Variants in C4orf54 observed in about 807,000 individuals in gnomAD.
The protein encoded by C4orf54 is uncharacterized protein C4orf54.
A neutral mutation model predicts 80.1 loss-of-function variants in C4orf54; 67 were observed. That is an observed-to-expected ratio of 0.84 (90% CI 0.69 to 1.03). C4orf54 has a LOEUF of 1.03. Ranked by LOEUF, C4orf54 falls within the 50% of genes least tolerant of loss-of-function variation. The pLI is 0.00. For synonymous variants in C4orf54, 1,000 were observed against 917.0 expected, an observed-to-expected ratio of 1.09 and a Z score of -1.64; for missense variants, 2,434 against 2,253.5, an observed-to-expected ratio of 1.08 and a Z score of -1.62.
Position 99,650,409 on chromosome 4 carries a change from T to C in C4orf54, c.4240A>G (p.Lys1414Glu), listed in dbSNP as rs112275946. ...TCCGGAGAAGGCCCTTGTGGGAACT[T>C]GCCAGCGACACCCCCAGTTTTCTGG... is the stretch of plus-strand genomic sequence containing the variant. ...SIQKTGGVAGKFPQGPSPESP... is the reference protein window; with the variant it reads ...SIQKTGGVAGEFPQGPSPESP... The change falls in exon 2 of 3, where the codon AAG (lysine) becomes GAG (glutamate). Residue 1414 changes from lysine to glutamate, a missense_variant. Physicochemically the swap from Lys to Glu is moderately conservative, Grantham distance 56. Transcript: ENST00000511828. 21,368 of 1,536,018 alleles carry C rather than the reference T, an allele frequency of 0.014. 191 individuals are homozygous for C. Among genetic ancestry groups the C allele is most frequent in the South Asian group, 0.018 (1,483 of 84,062 alleles).
Position 99,653,865 on chromosome 4 carries a change from C to T in C4orf54, c.784G>A (p.Glu262Lys). 6.5e-7 allele frequency: 1 copy of T among 1,536,248 alleles called. No homozygotes were observed. The highest frequency in any genetic ancestry group is 8.7e-7 in the Non-Finnish European group (1 of 1,146,904). The change falls in exon 2 of 3, where the codon GAG (glutamate) becomes AAG (lysine). Residue 262 changes from glutamate (E) to lysine (K), a missense_variant. Physicochemically the swap from Glu to Lys is moderately conservative, Grantham distance 56. Transcript: ENST00000511828. Reference protein sequence around the residue: ...LSRSQHSASEEGGNFSSSSSS... With the variant: ...LSRSQHSASEKGGNFSSSSSS... ...GAGGAAGATGAGAAATTGCCACCCT[C>T]TTCAGAGGCAGAGTGCTGGGATCTA...
rs1317950059 is a variant in C4orf54 at position 99,651,997 on chromosome 4, C to G, written c.2652G>C (p.Ala884=). ...SEYTVVSMSD[A]GGEGSVAGSK... Reference sequence around the variant, plus strand: ...AGCCCGCCACGGACCCCTCCCCGCCCGCGTCGGACATGCTGACCACTGTGT... The same window carrying G: ...AGCCCGCCACGGACCCCTCCCCGCCGGCGTCGGACATGCTGACCACTGTGT... The change falls in exon 2 of 3, where the codon GCG becomes GCC. Residue 884 remains alanine (A), a synonymous_variant. Coordinates refer to ENST00000511828, the MANE Select transcript of C4orf54 (RefSeq NM_001354435.2). 1.3e-6 allele frequency: 2 copies of G among 1,536,140 alleles called. No homozygotes were observed. The highest frequency in any genetic ancestry group is 4.9e-5 in the East Asian group (2 of 40,902).
At chr4:99,656,828 C>A (rs1726987178) in intron 1 of C4orf54, among the ~76,000 whole-genome samples, 2 of 152,156 alleles carry the variant, frequency 1.3e-5, no homozygotes, top group Admixed American at 1.3e-4. Context: ...GAGCTTGGAC[C>A]TTTACCATTA....
At position 99,649,916 on chromosome 4, in the gene C4orf54, C is replaced by T; in HGVS notation, c.4733G>A (p.Cys1578Tyr). The T allele has an allele frequency of 6.5e-7, 1 of 1,528,690 alleles. No individual in the cohort carries two copies. The allele number at this position is 1,528,690 out of a possible 1,614,324, so 94.7% of individuals were successfully genotyped here. The change falls in exon 2 of 3, where the codon TGC (cysteine) becomes TAC (tyrosine). Residue 1578 changes from cysteine to tyrosine, a missense_variant. By Grantham distance (194) the Cys-to-Tyr change is radical (BLOSUM62 -2). Coordinates refer to ENST00000511828, the MANE Select transcript of C4orf54 (RefSeq NM_001354435.2). ...GGCAGGCATGCTGGGTGGGGAGAAG[C>T]AGAGGACCTGAGGCTGGGCCCCCTG... ...TLQGAQPQVLCFSPPSMPAPA... is the reference protein window; with the variant it reads ...TLQGAQPQVLYFSPPSMPAPA...
At chr4:99,645,410 TAAAAAA>T (rs70958324) in intron 2 of C4orf54, among the ~76,000 whole-genome samples, 1 of 55,922 alleles carries the variant, frequency 1.8e-5, no homozygotes, top group South Asian at 6.3e-4. Context: ...AGGCTTACAG[TAAAAAA>T]AAAAAAAAAA....
In C4orf54 at chr4:99,652,370, C is replaced by T. The variant is rs557320263; in HGVS notation, c.2279G>A (p.Ser760Asn). Residue 760 changes from serine to asparagine, a missense_variant, in exon 2 of 3, where the codon AGC becomes AAC. Ser to Asn is a conservative substitution (Grantham distance 46). Transcript: ENST00000511828. ...GGGCCCAGGGGCCGAGCTGGCTTTGCTCTCACTGCGTACATTCAGGGGCTC... is the reference window on the plus strand; with the variant it reads ...GGGCCCAGGGGCCGAGCTGGCTTTGTTCTCACTGCGTACATTCAGGGGCTC... Reference protein sequence around the residue: ...LLEPLNVRSESKASSAPGPGR... With the variant: ...LLEPLNVRSENKASSAPGPGR... The T allele has an allele frequency of 1.5e-4, 235 of 1,536,082 alleles. 3 individuals are homozygous for T. The African/African-American group carries it at 2.0e-3, about 13-fold the overall frequency.
rs572008331 is a variant in C4orf54, at chr4:99,652,913, T to C, written c.1736A>G (p.His579Arg). The C allele has an allele frequency of 2.0e-6, 3 of 1,536,166 alleles. No individual in the cohort carries two copies. The highest frequency in any genetic ancestry group is 1.4e-5 in the African/African-American group (1 of 73,178). ...AGGTACAGCAATGAATTTCTTTGCATGGTCCTGAGCCACTGCTGCAGCCGG... is the reference window on the plus strand; with the variant it reads ...AGGTACAGCAATGAATTTCTTTGCACGGTCCTGAGCCACTGCTGCAGCCGG... ...QNPAAAVAQD[H>R]AKKFIAVPAR... The change falls in exon 2 of 3, where the codon CAT becomes CGT. Residue 579 changes from histidine to arginine, a missense_variant. By Grantham distance (29) the His-to-Arg change is conservative. Coordinates refer to ENST00000511828, the MANE Select transcript of C4orf54 (RefSeq NM_001354435.2).
At chr4:99,656,355 A>G (rs536507935) in intron 1 of C4orf54, among the ~76,000 whole-genome samples, 7 of 152,028 alleles carry the variant, frequency 4.6e-5, no homozygotes, top group Non-Finnish European at 5.9e-5. Context: ...TCTTGCCTCA[A>G]TGCAACCTCT....
intron 2 of C4orf54, among the ~76,000 whole-genome samples, chr4:99,643,962 G>A (rs978303928): frequency 5.3e-5 from 8 of 152,106 alleles, no homozygotes; most frequent in African/African-American, 1.7e-4. Flanking sequence ...TGATGTGGCC[G>A]AGAGGAAAAA....
rs1039609529 is a variant in C4orf54 at position 99,652,121 on chromosome 4, C to A, written c.2528G>T (p.Gly843Val). 3 of 1,535,954 alleles carry A rather than the reference C, an allele frequency of 2.0e-6. No homozygotes were observed. The highest frequency in any genetic ancestry group is 2.6e-6 in the Non-Finnish European group (3 of 1,146,874). ...EVMDTSHHLS[G>V]TSKETEGARG... ...GGCGCCCTCCGTCTCCTTGGAGGTGCCTGAGAGGTGGTGGGATGTATCCAT... is the reference window on the plus strand; with the variant it reads ...GGCGCCCTCCGTCTCCTTGGAGGTGACTGAGAGGTGGTGGGATGTATCCAT... The change falls in exon 2 of 3, where the codon GGC (glycine) becomes GTC (valine). Residue 843 changes from glycine (G) to valine (V), a missense_variant. Physicochemically the swap from Gly to Val is moderately radical, Grantham distance 109. Coordinates refer to ENST00000511828, the MANE Select transcript of C4orf54 (RefSeq NM_001354435.2).
At position 99,652,848 on chromosome 4, in the gene C4orf54, C is replaced by A. The variant is rs1381728697; in HGVS notation, c.1801G>T (p.Glu601Ter). 6.5e-7 allele frequency: 1 copy of A among 1,536,102 alleles called. No homozygotes were observed. The highest frequency in any genetic ancestry group is 2.0e-5 in the Admixed American group (1 of 51,002). Reference sequence around the variant, plus strand: ...GCTCCGCTGGAGTAGTCCACCAGCTCCTTCGCCCGGATGGCCCCGCACCTG... The same window carrying A: ...GCTCCGCTGGAGTAGTCCACCAGCTACTTCGCCCGGATGGCCCCGCACCTG... The part of the protein sequence containing the change: ...QTRCGAIRAK[E>*]LVDYSSGASS... Residue 601 changes from glutamate (E) to a stop codon, truncating the protein, a stop_gained, in exon 2 of 3, where the codon GAG becomes TAG. Coordinates refer to ENST00000511828, the MANE Select transcript of C4orf54 (RefSeq NM_001354435.2). LOFTEE classifies it high-confidence loss of function.
rs936688397 is a variant in C4orf54, at chr4:99,650,821, C to A, written c.3828G>T (p.Lys1276Asn). Reference protein sequence around the residue: ...ELYSFNRNEWKRKSDPLPMMM... With the variant: ...ELYSFNRNEWNRKSDPLPMMM... The stretch of plus-strand genomic sequence containing the variant: ...TCATAGGCAAGGGGTCGCTTTTGCG[C>A]TTCCACTCGTTCCTGTTGAAGCTGT... Residue 1276 changes from lysine to asparagine, a missense_variant, in exon 2 of 3, where the codon AAG (lysine) becomes AAT (asparagine). Coordinates refer to ENST00000511828, the MANE Select transcript of C4orf54 (RefSeq NM_001354435.2). 3.6e-5 allele frequency: 56 copies of A among 1,536,102 alleles called. No homozygotes were observed. The highest frequency in any genetic ancestry group is 4.4e-5 in the Non-Finnish European group (50 of 1,146,934).
At chr4:99,655,520 C>T (rs187657568) in intron 1 of C4orf54, among the ~76,000 whole-genome samples, 90 of 152,346 alleles carry the variant, frequency 5.9e-4, no homozygotes, top group Non-Finnish European at 1.1e-3. Flanking sequence ...TACACTTACC[C>T]TTCAAGAGTA....
rs747700606 is a variant in C4orf54, at chr4:99,650,125, C to T, written c.4524G>A (p.Pro1508=). 1.3e-5 allele frequency: 20 copies of T among 1,535,554 alleles called. No homozygotes were observed. Among genetic ancestry groups the T allele is most frequent in the Admixed American group, 2.0e-5 (1 of 50,946 alleles). ...SSAATLCSLP[P]LSARSQVPSS... is the part of the protein sequence containing the mutation. The stretch of plus-strand genomic sequence containing the variant: ...TGGGGACCTGACTGCGGGCACTCAG[C>T]GGGGGTAAACTACAGAGAGTGGCAG... Residue 1508 remains proline, a synonymous_variant, in exon 2 of 3, where the codon CCG becomes CCA. Transcript: ENST00000511828.
intron 1 of C4orf54, among the ~76,000 whole-genome samples, 159 bp from the exon 2 acceptor site, chr4:99,654,838 C>A (rs1726954161): frequency 6.6e-6 from 1 of 152,206 alleles, no homozygotes; most frequent in Non-Finnish European, 1.5e-5. Context: ...TAATTCAAAT[C>A]AGCCAAATGT....
chr4:99,643,738 C>T (rs985758819), intron 2 of C4orf54, among the ~76,000 whole-genome samples: 1 of 77,170 alleles, frequency 1.3e-5, no homozygotes, highest in Non-Finnish European at 2.9e-5. Flanking sequence ...CCCCAAGCCA[C>T]AACACACACA....
At position 99,651,404 on chromosome 4, in the gene C4orf54, T is replaced by G. The variant is rs992430979; in HGVS notation, c.3245A>C (p.Glu1082Ala). Reference protein sequence around the residue: ...QQKLFRGDNLEKVPHFQVRDI... With the variant: ...QQKLFRGDNLAKVPHFQVRDI... ...TCTCACCTGGAAATGGGGCACTTTT[T>G]CTAGGTTGTCCCCGCGGAAGAGTTT... Residue 1082 changes from glutamate (E) to alanine (A), a missense_variant, in exon 2 of 3, where the codon GAA becomes GCA. Physicochemically the swap from Glu to Ala is moderately radical, Grantham distance 107. Coordinates refer to ENST00000511828, the MANE Select transcript of C4orf54 (RefSeq NM_001354435.2). The G allele has an allele frequency of 1.7e-5, 26 of 1,536,136 alleles. No homozygotes were observed. Among genetic ancestry groups the G allele is most frequent in the Non-Finnish European group, 2.3e-5 (26 of 1,146,928 alleles).
intron 2 of C4orf54, among the ~76,000 whole-genome samples, chr4:99,641,757 C>T (rs1407715298): frequency 6.6e-6 from 1 of 152,136 alleles, no homozygotes; most frequent in Non-Finnish European, 1.5e-5. Context: ...CAAAAGCTTG[C>T]TGAAGGTTAG....
In C4orf54 at chr4:99,650,932, C is replaced by T. The variant is rs759640889; in HGVS notation, c.3717G>A (p.Glu1239=). Residue 1239 remains glutamate, a synonymous_variant, in exon 2 of 3, where the codon GAG becomes GAA. Transcript: ENST00000511828. ...QKTPEKLKEE[E]VKEEGKATKP... ...TCGTGGCTTTCCCTTCCTCCTTGAC[C>T]TCCTCCTCCTTGAGCTTCTCTGGGG... 7.8e-6 allele frequency: 12 copies of T among 1,536,192 alleles called. No homozygotes were observed. The highest frequency in any genetic ancestry group is 5.9e-5 in the South Asian group (5 of 84,036).
Sources: gnomAD v4.1 joint callset for allele counts (sites outside exome capture counted in the v4.1 genomes callset) on GRCh38, gnomAD v4.1.1 for gene constraint, MANE v1.5 for transcripts, NCBI Gene and HGNC (gene_info 2026-07-23, HGNC 2026-07-21) for gene names.